Variants in GPC3 observed in about 807,000 individuals in gnomAD.
GPC3 encodes the protein glypican-3.
Under a neutral mutation model 34.4 loss-of-function variants are expected in GPC3, and 3 were observed. The ratio of observed to expected loss-of-function variants is 0.09; its 90% CI spans 0.04 to 0.23. The LOEUF (loss-of-function observed/expected upper bound fraction) is 0.23. GPC3 is among the 10% of genes least tolerant of loss of function. The probability of loss-of-function intolerance (pLI) is 1.00; values close to 1 mark genes in which losing one functional copy is unlikely to be tolerated. For synonymous variants in GPC3, 177 were observed against 174.0 expected, an observed-to-expected ratio of 1.02 and a Z score of -0.13; for missense variants, 351 against 445.6, an observed-to-expected ratio of 0.79 and a Z score of 1.91.
intron 2 of GPC3, among the ~76,000 whole-genome samples, chrX:133,803,978 CCACACACACACA>C (rs10571712): frequency 9.3e-4 from 88 of 94,308 alleles, no homozygotes; most frequent in African/African-American, 1.0e-3. Context: ...TGAGATAAAT[CCACACACACACA>C]CACACACACA....
At chrX:133,917,598 A>C (rs2076230316) in intron 2 of GPC3, among the ~76,000 whole-genome samples, 1 of 112,111 alleles carries the variant, frequency 8.9e-6, no homozygotes, top group African/African-American at 3.2e-5. Flanking sequence ...TCTGTCCCCT[A>C]CTGTACTAAT....
At chrX:133,760,640 A>G (rs753374909) in intron 2 of GPC3, among the ~76,000 whole-genome samples, 2 of 111,714 alleles carry the variant, frequency 1.8e-5, no homozygotes, top group Non-Finnish European at 3.8e-5. Context: ...AACATGGGAA[A>G]GTAAGTGAAG....
intron 2 of GPC3, 152 bp downstream of exon 2, chrX:133,952,898 T>A: frequency 1.8e-6 from 1 of 546,617 alleles, no homozygotes. Context: ...GAAAATGTGT[T>A]TTTTTAAACC....
chrX:133,817,594 C>G (rs918540140), intron 2 of GPC3, among the ~76,000 whole-genome samples: 1 of 110,564 alleles, frequency 9.0e-6, no homozygotes, highest in African/African-American at 3.3e-5. Context: ...GATTTGTTCC[C>G]AAGCCACTTA....
At chrX:133,541,887 A>G (rs941057864) in intron 7 of GPC3, among the ~76,000 whole-genome samples, 1 of 111,811 alleles carries the variant, frequency 8.9e-6, no homozygotes, top group African/African-American at 3.3e-5. Context: ...ACCTTAGACA[A>G]GTCATTTCCT....
At chrX:133,820,444 C>A (rs982736691) in intron 2 of GPC3, among the ~76,000 whole-genome samples, 4 of 111,709 alleles carry the variant, frequency 3.6e-5, no homozygotes, top group Non-Finnish European at 7.5e-5. Context: ...AAATGGGATG[C>A]TTTGTTTTCA....
intron 2 of GPC3, among the ~76,000 whole-genome samples, chrX:133,822,181 C>T (rs138943331): frequency 0.019 from 2,138 of 112,150 alleles, 27 homozygotes; most frequent in South Asian, 0.029. Flanking sequence ...ACCTGGGATA[C>T]GAATCATTCC....
intron 3 of GPC3, among the ~76,000 whole-genome samples, chrX:133,717,496 T>C (rs954767810): frequency 7.2e-5 from 8 of 111,509 alleles, no homozygotes; most frequent in African/African-American, 2.6e-4. Context: ...ACAGACATTA[T>C]ATAGAAAAGC....
intron 3 of GPC3, among the ~76,000 whole-genome samples, chrX:133,720,231 C>G (rs1029686695): frequency 8.9e-6 from 1 of 111,756 alleles, no homozygotes; most frequent in Non-Finnish European, 1.9e-5. Flanking sequence ...CTTGTACACA[C>G]GTTTATAGCA....
intron 7 of GPC3, among the ~76,000 whole-genome samples, chrX:133,587,684 T>A (rs896942894): frequency 8.9e-6 from 1 of 112,557 alleles, no homozygotes; most frequent in African/African-American, 3.2e-5. Context: ...GCTAAAATTA[T>A]AATTTAAGTT....
chrX:133,864,019 C>A (rs898944731), intron 2 of GPC3, among the ~76,000 whole-genome samples: 12 of 111,670 alleles, frequency 1.1e-4, no homozygotes, highest in African/African-American at 3.9e-4. Context: ...TCCCTTCCCA[C>A]AGATGGTGTC....
intron 3 of GPC3, among the ~76,000 whole-genome samples, chrX:133,741,146 T>C (rs999733923): frequency 7.3e-5 from 8 of 110,027 alleles, no homozygotes; most frequent in Non-Finnish European, 1.5e-4. Flanking sequence ...GGGAAAGCCA[T>C]GTTAAGACAG....
At chrX:133,929,497 G>A (rs1412196370) in intron 2 of GPC3, among the ~76,000 whole-genome samples, 1 of 111,782 alleles carries the variant, frequency 8.9e-6, no homozygotes, top group South Asian at 3.8e-4. Context: ...GTCCAGCCAG[G>A]CCTGCTTAGC....
At chrX:133,775,796 T>C (rs1452400116) in intron 2 of GPC3, among the ~76,000 whole-genome samples, 1 of 111,770 alleles carries the variant, frequency 8.9e-6, no homozygotes, top group Non-Finnish European at 1.9e-5. Context: ...CCTCTGGCCA[T>C]CTCTGAGAAT....
At chrX:133,964,596 T>C (rs2076455165) in intron 1 of GPC3, among the ~76,000 whole-genome samples, 1 of 111,503 alleles carries the variant, frequency 9.0e-6, no homozygotes, top group African/African-American at 3.3e-5. Context: ...TTAGGTCAGG[T>C]AAAGGGGGAA....
intron 2 of GPC3, among the ~76,000 whole-genome samples, chrX:133,788,525 T>C (rs940936538): frequency 9.1e-6 from 1 of 109,945 alleles, no homozygotes; most frequent in African/African-American, 3.3e-5. Flanking sequence ...TTTCTTGCCT[T>C]TCTATCCCCA....
intron 7 of GPC3, among the ~76,000 whole-genome samples, chrX:133,546,710 C>A (rs1005125745): frequency 8.9e-6 from 1 of 111,896 alleles, no homozygotes; most frequent in African/African-American, 3.2e-5. Flanking sequence ...AAAGGGGAAC[C>A]CTTGTACACT....
chrX:133,584,348 C>A (rs1039361006), intron 7 of GPC3, among the ~76,000 whole-genome samples: 2 of 111,976 alleles, frequency 1.8e-5, no homozygotes, highest in African/African-American at 6.5e-5. Flanking sequence ...TTTCGACCCT[C>A]CAAGGAGTTC....
At chrX:133,607,366 AC>A (rs1236854682) in intron 6 of GPC3, among the ~76,000 whole-genome samples, 1 of 111,768 alleles carries the variant, frequency 8.9e-6, no homozygotes. Context: ...ATGTTTGGTA[AC>A]TGAAAGAATG....
Sources: allele counts gnomAD v4.1 joint callset (sites outside exome capture counted in the v4.1 genomes callset), GRCh38; gene constraint gnomAD v4.1.1; transcripts MANE v1.5; gene names NCBI Gene and HGNC (gene_info 2026-07-23, HGNC 2026-07-21).